MSTO1: variants seen among roughly 807,000 people sequenced by gnomAD.
The protein encoded by MSTO1 is misato mitochondrial distribution and morphology regulator 1, also known as protein misato homolog 1.
Under a neutral mutation model 55.7 loss-of-function variants are expected in MSTO1, and 24 were observed. The ratio of observed to expected loss-of-function variants is 0.43; its 90% CI spans 0.31 to 0.61. MSTO1 has a LOEUF of 0.61. Among genes scored for constraint, MSTO1 ranks in the 20% least tolerant of loss-of-function variants. The pLI is 0.09. For missense variants in MSTO1, 363 were observed against 625.7 expected (o/e 0.58, Z 4.48); for synonymous variants, 162 against 252.8 (o/e 0.64, Z 3.41).
In MSTO1 at chr1:155,611,433, G is replaced by A. The variant is rs572287668; in HGVS notation, c.367-116G>A. On this transcript the variant is annotated intron_variant, in intron 4 of 13. Coordinates refer to ENST00000245564, the MANE Select transcript of MSTO1 (RefSeq NM_018116.4). Reference sequence around the variant, plus strand: ...AAGCACTCCTTTTCCTAAGGACTGCGACTCGGTGAACAGAAAGGAGGCTAT... The same window carrying A: ...AAGCACTCCTTTTCCTAAGGACTGCAACTCGGTGAACAGAAAGGAGGCTAT... 4.6e-4 allele frequency: 735 copies of A among 1,604,876 alleles called. 2 individuals are homozygous for A. In the African/African-American group the frequency reaches 6.1e-3, roughly 13 times the overall value.
the MSTO1 span, among the ~76,000 whole-genome samples, chr1:155,564,357 G>T: frequency 1.3e-5 from 2 of 152,202 alleles, no homozygotes; most frequent in African/African-American, 4.8e-5. Context: ...AGCCAGGCGT[G>T]GTGGTGGACG....
chr1:155,570,402 G>A, the MSTO1 span, among the ~76,000 whole-genome samples: 1 of 152,108 alleles, frequency 6.6e-6, no homozygotes, highest in Non-Finnish European at 1.5e-5. Context: ...TGCTCCCATT[G>A]GTCAGTCATT....
At chr1:155,571,399 T>G in the MSTO1 span, among the ~76,000 whole-genome samples, 1 of 152,198 alleles carries the variant, frequency 6.6e-6, no homozygotes, top group Non-Finnish European at 1.5e-5. Context: ...GACAATTCTT[T>G]CGACGTGGCC....
At chr1:155,579,604 A>T in the MSTO1 span, among the ~76,000 whole-genome samples, 1 of 152,162 alleles carries the variant, frequency 6.6e-6, no homozygotes, top group Non-Finnish European at 1.5e-5. Context: ...ATACCCTTGG[A>T]GTTAATCTAT....
In MSTO1 at chr1:155,610,231, C is replaced by T; in HGVS notation, c.-18C>T. ...AGCGGCGCGGCTGAGGCGCGGCGGC[C>T]CCGTGGAGCAGCGCAGTATGGCGGG... is the stretch of plus-strand genomic sequence containing the variant. On this transcript the variant is annotated 5_prime_UTR_variant, in exon 1 of 14. Transcript: ENST00000245564. 1 of 608,878 alleles carries T rather than the reference C, an allele frequency of 1.6e-6. No homozygotes were observed. Among genetic ancestry groups the T allele is most frequent in the Non-Finnish European group, 3.0e-6 (1 of 337,830 alleles). The allele number at this position is 608,878 out of a possible 1,614,324, so 37.7% of individuals were successfully genotyped here. A position where few individuals can be genotyped will look rare whatever the true frequency, so the allele number is the denominator to read the frequency against.
chr1:155,613,046 T>G lies in MSTO1; in HGVS notation c.1099-3T>G. 1.9e-6 allele frequency: 3 copies of G among 1,613,768 alleles called. No individual in the cohort carries two copies. The highest frequency in any genetic ancestry group is 2.5e-6 in the Non-Finnish European group (3 of 1,180,018). On this transcript the variant is annotated splice_region_variant and splice_polypyrimidine_tract_variant and intron_variant, in intron 10 of 13. Transcript: ENST00000245564. The stretch of plus-strand genomic sequence containing the variant: ...TATAACGTGTTCTCTTCCATCTCTT[T>G]AGGTGGTGACAGCAGGAGCAATCAT...
the MSTO1 span, among the ~76,000 whole-genome samples, chr1:155,600,101 G>A: frequency 6.6e-6 from 1 of 152,202 alleles, no homozygotes; most frequent in South Asian, 2.1e-4. Flanking sequence ...TGTCGGGCTG[G>A]GGAACGGTCA....
chr1:155,589,113 C>A, the MSTO1 span, among the ~76,000 whole-genome samples: 22 of 152,070 alleles, frequency 1.4e-4, no homozygotes, highest in Admixed American at 1.4e-3. Context: ...GCCTGGCCAA[C>A]ATAGTGAAAC....
the MSTO1 span, among the ~76,000 whole-genome samples, chr1:155,578,830 T>A: frequency 2.1e-5 from 3 of 144,722 alleles, no homozygotes; most frequent in Non-Finnish European, 4.6e-5. Flanking sequence ...TTTTTTTTGT[T>A]TTTTTTTTTT....
chr1:155,594,565 T>C, the MSTO1 span, among the ~76,000 whole-genome samples: 2 of 152,092 alleles, frequency 1.3e-5, no homozygotes, highest in Admixed American at 6.6e-5. Context: ...CTTGTCATGC[T>C]GAGGAATTTG....
At chr1:155,584,685 A>AG in the MSTO1 span, among the ~76,000 whole-genome samples, 1 of 146,496 alleles carries the variant, frequency 6.8e-6, no homozygotes, top group Non-Finnish European at 1.5e-5. Context: ...AAAAAAAAAA[A>AG]AAAAAAAAAG....
At chr1:155,610,142 C>T, upstream of MSTO1, 1 of 1,052,434 alleles carries the variant, frequency 9.5e-7, no homozygotes, top group African/African-American at 1.6e-5. Flanking sequence ...TGTTTGCGGG[C>T]CAATAAGTAG....
the MSTO1 span, among the ~76,000 whole-genome samples, chr1:155,600,046 G>T: frequency 7.9e-5 from 12 of 152,156 alleles, no homozygotes; most frequent in East Asian, 1.9e-4. Context: ...CAAGAGGCAT[G>T]CCTTCCTCTT....
chr1:155,580,070 C>T, the MSTO1 span, among the ~76,000 whole-genome samples: 1 of 146,586 alleles, frequency 6.8e-6, no homozygotes, highest in Non-Finnish European at 1.5e-5. Context: ...AGCAAGAGTC[C>T]ATCTCAAAAA....
At chr1:155,579,037 G>C in the MSTO1 span, among the ~76,000 whole-genome samples, 1 of 151,522 alleles carries the variant, frequency 6.6e-6, no homozygotes, top group Admixed American at 6.6e-5. Flanking sequence ...GCCAGGTGTG[G>C]TGGCTCACGC....
chr1:155,572,888 G>A, the MSTO1 span, among the ~76,000 whole-genome samples: 2 of 151,990 alleles, frequency 1.3e-5, no homozygotes, highest in South Asian at 2.1e-4. Context: ...GACCTCAGGC[G>A]ATCCACCCGC....
At chr1:155,609,989 C>G (rs116421560), upstream of MSTO1, 2 of 501,702 alleles carry the variant, frequency 4.0e-6, no homozygotes, top group Non-Finnish European at 7.0e-6. Flanking sequence ...ACGGCGCCCA[C>G]CCCGCTCCAA....
the MSTO1 span, chr1:155,563,766 A>G: frequency 2.8e-6 from 1 of 357,242 alleles, no homozygotes; most frequent in South Asian, 2.1e-5. Context: ...ACATGCCTCC[A>G]GGGTTAATGT....
At chr1:155,598,987 T>A in the MSTO1 span, 1 of 896,376 alleles carries the variant, frequency 1.1e-6, no homozygotes, top group Non-Finnish European at 1.7e-6. Flanking sequence ...CTTGTAGCTT[T>A]AATTTTCTAA....
Sources: allele counts gnomAD v4.1 joint callset (sites outside exome capture counted in the v4.1 genomes callset), GRCh38; gene constraint gnomAD v4.1.1; transcripts MANE v1.5; gene names NCBI Gene and HGNC (gene_info 2026-07-23, HGNC 2026-07-21).